C8orf34: variants seen among roughly 807,000 people sequenced by gnomAD.
C8orf34 encodes chromosome 8 open reading frame 34, also known as uncharacterized protein C8orf34.
C8orf34 carries 65 observed loss-of-function variants against 68.3 expected under a neutral mutation model. The observed-to-expected ratio is 0.95, with a 90% CI of 0.78 to 1.17. The LOEUF (loss-of-function observed/expected upper bound fraction) is 1.17. C8orf34 is among the 50% of genes most tolerant of loss of function. C8orf34 has a pLI of 0.00. For missense variants in C8orf34, 664 were observed against 655.4 expected, an observed-to-expected ratio of 1.01 and a Z score of -0.14; for synonymous variants, 244 against 241.2, an observed-to-expected ratio of 1.01 and a Z score of -0.11.
chr8:68,633,448 C>A (rs1448645885), intron 7 of C8orf34, among the ~76,000 whole-genome samples: 1 of 152,174 alleles, frequency 6.6e-6, no homozygotes, highest in African/African-American at 2.4e-5. Context: ...TAACATTCTT[C>A]TCTCACTTAC....
At chr8:68,463,512 C>G (rs1445099984) in intron 3 of C8orf34, among the ~76,000 whole-genome samples, 5 of 152,168 alleles carry the variant, frequency 3.3e-5, no homozygotes, top group Non-Finnish European at 7.3e-5. Context: ...AGACCAATAT[C>G]CTTGATGAAC....
intron 7 of C8orf34, among the ~76,000 whole-genome samples, chr8:68,571,043 G>T (rs140462744): frequency 7.9e-5 from 12 of 152,242 alleles, no homozygotes; most frequent in African/African-American, 2.9e-4. Context: ...ACCATTGAAA[G>T]AAATCACTGG....
In C8orf34 at chr8:68,693,279, G is replaced by C. The variant is rs1263948092; in HGVS notation, c.1242-15715G>C. On this transcript the variant is annotated intron_variant, in intron 8 of 13. Coordinates refer to ENST00000518698, the MANE Select transcript of C8orf34 (RefSeq NM_052958.4). ...GTAGGCATAGTGGAAAGTGACTAAGGAAGAATGCCTGGAAGACTTCTGTTG... is the reference window on the plus strand; with the variant it reads ...GTAGGCATAGTGGAAAGTGACTAAGCAAGAATGCCTGGAAGACTTCTGTTG... Among the ~76,000 whole-genome samples the C allele has an allele frequency of 2.0e-5, 3 of 152,216 alleles. No individual in the cohort carries two copies. In the East Asian group the frequency reaches 5.8e-4, roughly 30 times the overall value.
chr8:68,431,458 A>G (rs1332298408), intron 1 of C8orf34, among the ~76,000 whole-genome samples: 3 of 152,178 alleles, frequency 2.0e-5, no homozygotes, highest in Non-Finnish European at 4.4e-5. Flanking sequence ...GTACTCCTAC[A>G]GAGGTATTTT....
At chr8:68,602,461 GT>G (rs1329453389) in intron 7 of C8orf34, among the ~76,000 whole-genome samples, 1 of 152,136 alleles carries the variant, frequency 6.6e-6, no homozygotes, top group Non-Finnish European at 1.5e-5. Context: ...TGAGAGCTGA[GT>G]GAAGGGGGAA....
At chr8:68,345,859 G>GA (rs577941315) in intron 1 of C8orf34, among the ~76,000 whole-genome samples, 1,570 of 151,836 alleles carry the variant, frequency 0.01, 14 homozygotes, top group Middle Eastern at 0.017. Context: ...ATAGCATTTA[G>GA]AAAAAAATTT....
intron 10 of C8orf34, among the ~76,000 whole-genome samples, chr8:68,743,665 G>A (rs186251571): frequency 2.5e-3 from 379 of 152,324 alleles, no homozygotes; most frequent in Non-Finnish European, 4.1e-3. Flanking sequence ...CGAATACTGC[G>A]CTTTCCCGAC....
At chr8:68,454,823 T>C (rs1320404324) in intron 3 of C8orf34, among the ~76,000 whole-genome samples, 3 of 152,054 alleles carry the variant, frequency 2.0e-5, no homozygotes, top group Admixed American at 2.0e-4. Flanking sequence ...TCTACTTCCT[T>C]AAGGTGTAAA....
intron 1 of C8orf34, among the ~76,000 whole-genome samples, chr8:68,437,130 A>G (rs1003360051): frequency 5.9e-5 from 9 of 152,188 alleles, no homozygotes; most frequent in South Asian, 2.1e-4. Flanking sequence ...AATCTCATAT[A>G]TTCATTAATA....
At chr8:68,545,513 A>G (rs191839579) in intron 7 of C8orf34, among the ~76,000 whole-genome samples, 3 of 152,302 alleles carry the variant, frequency 2.0e-5, no homozygotes. Flanking sequence ...AAGATAGTAC[A>G]GTGGTGGAAC....
rs117903533 is a variant in C8orf34, at chr8:68,612,334, A to G, written c.1106-28042A>G. On this transcript the variant is annotated intron_variant, in intron 7 of 13. Coordinates refer to ENST00000518698, the MANE Select transcript of C8orf34 (RefSeq NM_052958.4). ...TTTATGGGCAAGCTGAGACTCTGAG[A>G]TGTTAAACAACTTGCCCCAAATCAC... is the stretch of plus-strand genomic sequence containing the variant. 2.5e-3 allele frequency among the ~76,000 whole-genome samples: 375 copies of G among 152,214 alleles called. 2 individuals are homozygous for G. Among genetic ancestry groups the G allele is most frequent in the South Asian group, 0.017 (84 of 4,818 alleles).
chr8:68,630,130 A>G (rs573814812), intron 7 of C8orf34, among the ~76,000 whole-genome samples: 6 of 152,222 alleles, frequency 3.9e-5, no homozygotes, highest in Non-Finnish European at 7.4e-5. Flanking sequence ...GACATATATC[A>G]TAAAATAGCA....
chr8:68,564,832 T>A (rs7814002), intron 7 of C8orf34, among the ~76,000 whole-genome samples: 40,286 of 151,352 alleles, frequency 0.27, 8,445 homozygotes, highest in African/African-American at 0.59. Context: ...TCTTCTGAAG[T>A]GAGAGAGAGA....
chr8:68,692,920 T>C (rs1426423531), intron 8 of C8orf34, among the ~76,000 whole-genome samples: 1 of 152,020 alleles, frequency 6.6e-6, no homozygotes. Flanking sequence ...TATCAGCATA[T>C]GATTTAAAGA....
At chr8:68,356,032 T>A (rs1057411749) in intron 1 of C8orf34, among the ~76,000 whole-genome samples, 2 of 152,172 alleles carry the variant, frequency 1.3e-5, no homozygotes, top group African/African-American at 4.8e-5. Context: ...ATAAACTCCT[T>A]CAAGGTGGAT....
chr8:68,588,905 G>A (rs758061520), intron 7 of C8orf34, among the ~76,000 whole-genome samples: 17 of 152,138 alleles, frequency 1.1e-4, no homozygotes, highest in Non-Finnish European at 2.4e-4. Context: ...TATGGTTTCT[G>A]TTGCAGACTC....
At chr8:68,373,689 C>T (rs1322495011) in intron 1 of C8orf34, among the ~76,000 whole-genome samples, 1 of 151,720 alleles carries the variant, frequency 6.6e-6, no homozygotes, top group East Asian at 1.9e-4. Flanking sequence ...AGCATATGGC[C>T]AAAAAAATAA....
chr8:68,494,154 G>A (rs1813425143), intron 5 of C8orf34, among the ~76,000 whole-genome samples: 1 of 152,150 alleles, frequency 6.6e-6, no homozygotes, highest in Admixed American at 6.5e-5. Flanking sequence ...ACAAAATGCA[G>A]TATATACATA....
At chr8:68,427,180 T>C (rs77028756) in intron 1 of C8orf34, among the ~76,000 whole-genome samples, 10 of 152,280 alleles carry the variant, frequency 6.6e-5, no homozygotes, top group African/African-American at 2.4e-4. Context: ...GTAATTGTAC[T>C]CTTAGGTACT....
Sources: allele counts gnomAD v4.1 joint callset (sites outside exome capture counted in the v4.1 genomes callset), GRCh38; gene constraint gnomAD v4.1.1; transcripts MANE v1.5; gene names NCBI Gene and HGNC (gene_info 2026-07-23, HGNC 2026-07-21).